Variants in TPD52 observed in about 807,000 individuals in gnomAD.
TPD52 encodes the protein tumor protein D52.
TPD52 carries 17 observed loss-of-function variants against 31.3 expected under a neutral mutation model. The ratio of observed to expected loss-of-function variants is 0.54; its 90% CI spans 0.37 to 0.82. The LOEUF (loss-of-function observed/expected upper bound fraction) is 0.82. Among genes scored for constraint, TPD52 ranks in the 40% least tolerant of loss-of-function variants. TPD52 has a pLI of 0.00. For missense variants in TPD52, 212 were observed against 240.1 expected, an observed-to-expected ratio of 0.88 and a Z score of 0.77; for synonymous variants, 83 against 89.6, an observed-to-expected ratio of 0.93 and a Z score of 0.42.
intron 1 of TPD52, among the ~76,000 whole-genome samples, chr8:80,105,641 G>A (rs990598822): frequency 4.0e-5 from 6 of 151,810 alleles, no homozygotes; most frequent in African/African-American, 1.2e-4. Flanking sequence ...TTTTGTCTGC[G>A]GCTCGTCCTG....
intron 1 of TPD52, among the ~76,000 whole-genome samples, chr8:80,168,108 T>C (rs1268731830): frequency 1.3e-5 from 2 of 152,232 alleles, no homozygotes; most frequent in African/African-American, 2.4e-5. Context: ...TTTTAAATCA[T>C]TTGATGTTCA....
intron 1 of TPD52, among the ~76,000 whole-genome samples, chr8:80,164,226 G>A (rs1365487475): frequency 2.0e-5 from 3 of 152,098 alleles, no homozygotes; most frequent in Non-Finnish European, 1.5e-5. Context: ...AGTAATCAGA[G>A]CAAACTAGCC....
intron 1 of TPD52, among the ~76,000 whole-genome samples, chr8:80,071,430 G>C (rs777196162): frequency 2.4e-4 from 37 of 152,030 alleles, no homozygotes; most frequent in South Asian, 6.2e-4. Context: ...CGTCCTCCCT[G>C]AGTCTTGGCT....
downstream of TPD52, chr8:80,034,711 T>C (rs922792475): frequency 3.9e-5 from 6 of 152,170 alleles, no homozygotes; most frequent in African/African-American, 1.4e-4. Flanking sequence ...CTTTAAAGCA[T>C]GCTGGAGAGT....
intron 1 of TPD52, among the ~76,000 whole-genome samples, chr8:80,110,686 C>T (rs1180486871): frequency 6.6e-6 from 1 of 151,794 alleles, no homozygotes; most frequent in Non-Finnish European, 1.5e-5. Flanking sequence ...AATCCCTAAT[C>T]GAACAAACCA....
At chr8:80,051,960 C>T (rs1020200532) in intron 3 of TPD52, 1 of 225,548 alleles carries the variant, frequency 4.4e-6, no homozygotes, top group African/African-American at 2.3e-5. Context: ...GAACTCATAC[C>T]TATTGTTCTT....
chr8:80,051,448 G>A, intron 4 of TPD52, 79 bp downstream of exon 4: 1 of 1,377,356 alleles, frequency 7.3e-7, no homozygotes, highest in Non-Finnish European at 1.0e-6. Context: ...CTAGAGCCAA[G>A]GTCAGGAAAC....
intron 1 of TPD52, among the ~76,000 whole-genome samples, chr8:80,147,508 C>T (rs1006285739): frequency 6.6e-5 from 10 of 152,200 alleles, no homozygotes; most frequent in African/African-American, 1.4e-4. Context: ...GGACAGCTAG[C>T]TACCAAAGGA....
At position 80,051,513 on chromosome 8, in the gene TPD52, A is replaced by G. The variant is rs551138488; in HGVS notation, c.386+14T>C. 8.7e-6 allele frequency: 14 copies of G among 1,612,258 alleles called. No homozygotes were observed. The African/African-American group carries it at 1.9e-4, about 22-fold the overall frequency. On this transcript the variant is annotated intron_variant, in intron 4 of 7. Transcript: ENST00000518937. ...CGTCAGCTACTTAATGAGCAAGGAA[A>G]AATGAGGACATACTTTACATCTTCC...
At chr8:80,072,106 C>T (rs552107421) in intron 1 of TPD52, among the ~76,000 whole-genome samples, 3 of 152,234 alleles carry the variant, frequency 2.0e-5, no homozygotes, top group East Asian at 3.9e-4. Flanking sequence ...GTCAAGAGAT[C>T]GAGACCATCC....
At chr8:80,077,297 T>C (rs1814690020) in intron 1 of TPD52, among the ~76,000 whole-genome samples, 1 of 150,878 alleles carries the variant, frequency 6.6e-6, no homozygotes, top group African/African-American at 2.4e-5. Context: ...AAAAAATTCT[T>C]AAGAGGAAGA....
chr8:80,171,386 C>A (rs762755694), intron 1 of TPD52, 39 bp downstream of exon 1: 4 of 1,588,604 alleles, frequency 2.5e-6, no homozygotes, highest in Non-Finnish European at 3.4e-6. Context: ...AAGCCCGAGT[C>A]CAAGCCCGAG....
chr8:80,117,182 C>A (rs569579705), intron 1 of TPD52, among the ~76,000 whole-genome samples: 1 of 152,082 alleles, frequency 6.6e-6, no homozygotes, highest in Admixed American at 6.6e-5. Flanking sequence ...AAAAGGCATC[C>A]GTTTTGGAAA....
intron 1 of TPD52, among the ~76,000 whole-genome samples, chr8:80,151,406 G>A (rs1018687422): frequency 6.6e-6 from 1 of 152,210 alleles, no homozygotes; most frequent in Non-Finnish European, 1.5e-5. Context: ...TGAAGAAACA[G>A]CCGAAGTGAT....
chr8:80,170,891 G>T, intron 1 of TPD52: 1 of 279,552 alleles, frequency 3.6e-6, no homozygotes, highest in South Asian at 3.3e-5. Flanking sequence ...CCACAATCTG[G>T]GGGTTTCTAG....
In TPD52 at chr8:80,044,156, A is replaced by T; in HGVS notation, c.455+11T>A. The T allele has an allele frequency of 6.3e-7, 1 of 1,584,312 alleles. No individual in the cohort carries two copies. The highest frequency in any genetic ancestry group is 8.6e-7 in the Non-Finnish European group (1 of 1,167,166). On this transcript the variant is annotated intron_variant, in intron 6 of 7. Coordinates refer to ENST00000518937, the MANE Select transcript of TPD52 (RefSeq NM_001025253.3). ...ATAAGACCAACTACATTTCATAAAAATATACTTTACCTCATAGCAGGCATG... is the reference window on the plus strand; with the variant it reads ...ATAAGACCAACTACATTTCATAAAATTATACTTTACCTCATAGCAGGCATG...
At chr8:80,107,533 C>T (rs1807219633) in intron 1 of TPD52, among the ~76,000 whole-genome samples, 1 of 152,126 alleles carries the variant, frequency 6.6e-6, no homozygotes, top group African/African-American at 2.4e-5. Context: ...GTGACTCAAA[C>T]CAGACGTTAT....
At chr8:80,090,127 C>T (rs1349799709) in intron 1 of TPD52, among the ~76,000 whole-genome samples, 1 of 152,160 alleles carries the variant, frequency 6.6e-6, no homozygotes, top group South Asian at 2.1e-4. Context: ...CATGGTGGTT[C>T]ACACCTATAA....
At chr8:80,139,282 A>T (rs925932178) in intron 1 of TPD52, among the ~76,000 whole-genome samples, 8 of 152,110 alleles carry the variant, frequency 5.3e-5, no homozygotes, top group African/African-American at 1.9e-4. Context: ...AAAATCCACT[A>T]TTTTTTTATA....
Sources: gnomAD v4.1 joint callset for allele counts (sites outside exome capture counted in the v4.1 genomes callset) on GRCh38, gnomAD v4.1.1 for gene constraint, MANE v1.5 for transcripts, NCBI Gene and HGNC (gene_info 2026-07-23, HGNC 2026-07-21) for gene names.